Variants in MFSD8 observed in about 807,000 individuals in gnomAD.
The protein encoded by MFSD8 is major facilitator superfamily domain containing 8, also known as major facilitator superfamily domain-containing protein 8.
In MFSD8, 55 loss-of-function variants were observed where a neutral mutation model predicts 66.4. The ratio of observed to expected loss-of-function variants is 0.83; its 90% CI spans 0.67 to 1.04. The LOEUF (loss-of-function observed/expected upper bound fraction) is 1.04, where lower values mean the gene tolerates loss of function less well. Among genes scored for constraint, MFSD8 ranks in the 50% least tolerant of loss-of-function variants. The pLI, the probability that MFSD8 is intolerant of heterozygous loss-of-function variation, is 0.00. For synonymous variants in MFSD8, 202 were observed against 212.8 expected, an observed-to-expected ratio of 0.95 and a Z score of 0.44; for missense variants, 550 against 627.6, an observed-to-expected ratio of 0.88 and a Z score of 1.32.
At chr4:127,924,729 A>G (rs904124024) in intron 9 of MFSD8, among the ~76,000 whole-genome samples, 1 of 152,168 alleles carries the variant, frequency 6.6e-6, no homozygotes, top group African/African-American at 2.4e-5. Context: ...TCACAGAATT[A>G]GAAAAAAACT....
chr4:127,928,473 G>T (rs1737585512), intron 9 of MFSD8, among the ~76,000 whole-genome samples: 1 of 152,032 alleles, frequency 6.6e-6, no homozygotes, highest in South Asian at 2.1e-4. Flanking sequence ...CATATAAAAG[G>T]CCACTAAGTA....
At chr4:127,943,045 C>T (rs149810309) in intron 4 of MFSD8, among the ~76,000 whole-genome samples, 3,975 of 152,006 alleles carry the variant, frequency 0.026, 152 homozygotes, top group African/African-American at 0.091. Flanking sequence ...GGTGAAACTG[C>T]GTCTCTACTA....
intron 1 of MFSD8, among the ~76,000 whole-genome samples, chr4:127,963,965 A>T (rs1199572268): frequency 6.6e-6 from 1 of 152,216 alleles, no homozygotes; most frequent in East Asian, 1.9e-4. Context: ...GAGTGTTGAC[A>T]GAAAGGTTCT....
In MFSD8 at chr4:127,918,354, A is replaced by AT. The variant is rs1373319458; in HGVS notation, c.*2275dup. Reference sequence around the variant, plus strand: ...TTTGTGCCAAGATGAGCAAGGTATAATCCTCCAAAGAAGAAAATGCTCCAA... The same window carrying AT: ...TTTGTGCCAAGATGAGCAAGGTATAATTCCTCCAAAGAAGAAAATGCTCCAA... On this transcript the variant is annotated 3_prime_UTR_variant, in exon 12 of 12. Coordinates refer to ENST00000641686, the MANE Select transcript of MFSD8 (RefSeq NM_001371596.2). 3.3e-5 allele frequency: 5 copies of AT among 152,194 alleles called. No homozygotes were observed. The highest frequency in any genetic ancestry group is 2.6e-4 in the Admixed American group (4 of 15,268). The allele number at this position is 152,194 out of a possible 1,614,324, so 9.4% of individuals were successfully genotyped here.
chr4:127,927,477 G>T (rs1020776714), intron 9 of MFSD8, among the ~76,000 whole-genome samples: 2 of 152,144 alleles, frequency 1.3e-5, no homozygotes, highest in Non-Finnish European at 2.9e-5. Context: ...CACCCAGCCT[G>T]TATTTTCAAC....
At chr4:127,926,706 A>C (rs370571488) in intron 9 of MFSD8, among the ~76,000 whole-genome samples, 19 of 152,132 alleles carry the variant, frequency 1.2e-4, no homozygotes, top group Middle Eastern at 3.4e-3. Flanking sequence ...AAGAATTCTC[A>C]TAGTACCCCC....
chr4:127,929,547 C>T (rs1423210884), intron 9 of MFSD8, among the ~76,000 whole-genome samples: 1 of 151,036 alleles, frequency 6.6e-6, no homozygotes, highest in African/African-American at 2.4e-5. Flanking sequence ...ATGATCACTC[C>T]ACTCCACTCC....
At chr4:127,951,354 C>T (rs903596509) in intron 2 of MFSD8, among the ~76,000 whole-genome samples, 2 of 151,960 alleles carry the variant, frequency 1.3e-5, no homozygotes, top group African/African-American at 2.4e-5. Flanking sequence ...CTCAGCCTCC[C>T]GAGCAGCTGG....
chr4:127,958,680 T>C (rs114337759), intron 1 of MFSD8, among the ~76,000 whole-genome samples: 4,092 of 152,138 alleles, frequency 0.027, 161 homozygotes, highest in African/African-American at 0.093. Context: ...ACCAGAACCC[T>C]AGATGCCCAT....
At chr4:127,931,836 C>G (rs138403536) in intron 8 of MFSD8, among the ~76,000 whole-genome samples, 1 of 152,082 alleles carries the variant, frequency 6.6e-6, no homozygotes, top group African/African-American at 2.4e-5. Flanking sequence ...GTGCCAGGCG[C>G]GGAGGCTCAC....
At position 127,928,742 on chromosome 4, in the gene MFSD8, T is replaced by C. The variant is rs139096574; in HGVS notation, c.998+1941A>G. 1.1e-4 allele frequency among the ~76,000 whole-genome samples: 16 copies of C among 152,310 alleles called. No homozygotes were observed. In the East Asian group the frequency reaches 2.9e-3, roughly 28 times the overall value. On this transcript the variant is annotated intron_variant, in intron 9 of 11. Coordinates refer to ENST00000641686, the MANE Select transcript of MFSD8 (RefSeq NM_001371596.2). ...GAACCAGCAATCCCATTACTAGGTA[T>C]ATATCTAAAAGAAATGAAATCAATA... is the stretch of plus-strand genomic sequence containing the variant.
rs112592450 is a variant in MFSD8 at position 127,948,888 on chromosome 4, G to A, written c.198+916C>T. On this transcript the variant is annotated intron_variant, in intron 3 of 11. Coordinates refer to ENST00000641686, the MANE Select transcript of MFSD8 (RefSeq NM_001371596.2). ...ACTAGGACTTCTCAGCCTCTGTAAC[G>A]GTAAGAAATAAATTCCTTTTTTAAA... 5.6e-3 allele frequency among the ~76,000 whole-genome samples: 848 copies of A among 152,220 alleles called. 13 individuals carry two copies. Among genetic ancestry groups the A allele is most frequent in the African/African-American group, 0.019 (797 of 41,516 alleles).
intron 8 of MFSD8, among the ~76,000 whole-genome samples, chr4:127,932,105 T>C (rs1738239540): frequency 6.6e-6 from 1 of 152,182 alleles, no homozygotes; most frequent in Admixed American, 6.5e-5. Context: ...AGTGAGACCC[T>C]GTCTCAAAAC....
At chr4:127,940,338 T>C (rs1739955581) in intron 5 of MFSD8, among the ~76,000 whole-genome samples, 1 of 152,014 alleles carries the variant, frequency 6.6e-6, no homozygotes, top group Non-Finnish European at 1.5e-5. Context: ...CTGATTTACA[T>C]GCATTCACAA....
chr4:127,939,560 G>C (rs973141590), intron 6 of MFSD8: 1 of 197,192 alleles, frequency 5.1e-6, no homozygotes. Flanking sequence ...AGCCGAGATA[G>C]TGCCACTGCC....
chr4:127,934,086 A>G (rs910081007), intron 7 of MFSD8, among the ~76,000 whole-genome samples: 1 of 152,134 alleles, frequency 6.6e-6, no homozygotes, highest in Non-Finnish European at 1.5e-5. Flanking sequence ...TAAAAATACA[A>G]AAAAGAATTA....
chr4:127,934,963 C>A (rs1738817869), intron 7 of MFSD8, among the ~76,000 whole-genome samples: 1 of 151,916 alleles, frequency 6.6e-6, no homozygotes, highest in African/African-American at 2.4e-5. Context: ...GGGGGCTTTC[C>A]TAAGATGCAG....
At chr4:127,951,453 T>A (rs1741943348) in intron 2 of MFSD8, among the ~76,000 whole-genome samples, 1 of 152,124 alleles carries the variant, frequency 6.6e-6, no homozygotes, top group South Asian at 2.1e-4. Flanking sequence ...GGTCTCGAAC[T>A]CCTGACCTCA....
chr4:127,939,624 A>C lies in MFSD8; in HGVS notation c.698+229T>G, dbSNP rs866694736. ...TGTCTCAAAAAAAAAAAAAAAAAAA[A>C]AAAAAAAACTTTGAATCTTCAAAGA... On this transcript the variant is annotated intron_variant, in intron 6 of 11. Transcript: ENST00000641686. 2.3e-3 allele frequency: 738 copies of C among 324,222 alleles called. 5 individuals carry two copies. Among genetic ancestry groups the C allele is most frequent in the Admixed American group, 3.1e-3 (66 of 21,270 alleles). The allele number at this position is 324,222 out of a possible 1,614,324, so 20.1% of individuals were successfully genotyped here. A position where few individuals can be genotyped will look rare whatever the true frequency, so the allele number is the denominator to read the frequency against.
Sources: allele counts gnomAD v4.1 joint callset (sites outside exome capture counted in the v4.1 genomes callset), GRCh38; gene constraint gnomAD v4.1.1; transcripts MANE v1.5; gene names NCBI Gene and HGNC (gene_info 2026-07-23, HGNC 2026-07-21).